TOPAZ1: variants seen among roughly 807,000 people sequenced by gnomAD.
TOPAZ1 encodes testis and ovary specific TOPAZ 1.
TOPAZ1 carries 66 observed loss-of-function variants against 172.2 expected under a neutral mutation model. The observed-to-expected ratio is 0.38, with a 90% CI of 0.31 to 0.47. The LOEUF (loss-of-function observed/expected upper bound fraction) is 0.47, where lower values mean the gene tolerates loss of function less well. TOPAZ1 is among the 20% of genes least tolerant of loss of function. The pLI is 0.99. For missense variants in TOPAZ1, 1,822 were observed against 1,972.4 expected, an observed-to-expected ratio of 0.92 and a Z score of 1.44; for synonymous variants, 681 against 683.9, an observed-to-expected ratio of 1.00 and a Z score of 0.07.
At chr3:44,284,110 A>G (rs1045590308) in intron 9 of TOPAZ1, among the ~76,000 whole-genome samples, 3 of 115,064 alleles carry the variant, frequency 2.6e-5, no homozygotes, top group African/African-American at 8.2e-5. Context: ...GGGAGTATGT[A>G]TGTGATAAAA....
At position 44,243,343 on chromosome 3, in the gene TOPAZ1, G is replaced by A; in HGVS notation, c.837G>A (p.Gln279=). The change falls in exon 2 of 20, where the codon CAG becomes CAA. Residue 279 remains glutamine, a synonymous_variant. Coordinates refer to ENST00000309765, the MANE Select transcript of TOPAZ1 (RefSeq NM_001145030.2). ...AGAGTGACACAAATAGTATTCCTCA[G>A]CTCTTACAAACAGAAGAAAATGTAA... ...AEKSDTNSIP[Q]LLQTEENVMG... 3 of 1,551,124 alleles carry A rather than the reference G, an allele frequency of 1.9e-6. No individual in the cohort carries two copies. The highest frequency in any genetic ancestry group is 2.6e-6 in the Non-Finnish European group (3 of 1,146,832).
chr3:44,298,891 T>TTATATATATA (rs201179432), intron 12 of TOPAZ1, among the ~76,000 whole-genome samples: 228 of 17,112 alleles, frequency 0.013, 10 homozygotes, highest in Admixed American at 0.026. Flanking sequence ...TGTATATATA[T>TTATATATATA]TATATATATA....
intron 2 of TOPAZ1, among the ~76,000 whole-genome samples, chr3:44,249,132 A>C (rs1300944592): frequency 6.6e-6 from 1 of 152,118 alleles, no homozygotes; most frequent in African/African-American, 2.4e-5. Flanking sequence ...TCTGTACTAG[A>C]ACATAGGATT....
chr3:44,277,862 A>G (rs1414356639), intron 8 of TOPAZ1, among the ~76,000 whole-genome samples: 1 of 152,172 alleles, frequency 6.6e-6, no homozygotes, highest in African/African-American at 2.4e-5. Context: ...ACCTTCTGCC[A>G]TGATTGTAAA....
At position 44,323,139 on chromosome 3, in the gene TOPAZ1, G is replaced by T; in HGVS notation, c.4519G>T (p.Gly1507Cys). 1.3e-6 allele frequency: 2 copies of T among 1,548,318 alleles called. No homozygotes were observed. Among genetic ancestry groups the T allele is most frequent in the Non-Finnish European group, 1.7e-6 (2 of 1,145,146 alleles). The change falls in exon 18 of 20, where the codon GGT becomes TGT. Residue 1507 changes from glycine to cysteine, a missense_variant. Physicochemically the swap from Gly to Cys is radical, Grantham distance 159. This residue lies in a region of TOPAZ1 where 333 missense variants were observed against 481.7 expected (regional missense o/e 0.69). Transcript: ENST00000309765. ...QYSLLFNKLL[G>C]SCIESSSLGM... ...TAGCCTTCTTTTTAATAAGCTTCTA[G>T]GTTCCTGTATAGAAAGCAGTAGTCT...
chr3:44,256,157 A>G lies in TOPAZ1; in HGVS notation c.2834A>G (p.Glu945Gly), dbSNP rs1457863421. 6.7e-7 allele frequency: 1 copy of G among 1,503,126 alleles called. No homozygotes were observed. The highest frequency in any genetic ancestry group is 8.8e-7 in the Non-Finnish European group (1 of 1,131,830). 93.1% of individuals were successfully genotyped at this position (1,503,126 alleles called of 1,614,324 possible). A position where few individuals can be genotyped will look rare whatever the true frequency, so the allele number is the denominator to read the frequency against. Residue 945 changes from glutamate to glycine, a missense_variant, in exon 4 of 20, where the codon GAA (glutamate) becomes GGA (glycine). By Grantham distance (98) the Glu-to-Gly change is moderately conservative. This residue lies in a region of TOPAZ1 where 1,489 missense variants were observed against 1,490.8 expected (regional missense o/e 1.00). Coordinates refer to ENST00000309765, the MANE Select transcript of TOPAZ1 (RefSeq NM_001145030.2). ...GAATATTATTTCTTTTCAGAAAGTG[A>G]AATAAAACGTGATCCCAAAGATGTA... ...DICASNSAESEIKRDPKDVNT... is the reference protein window; with the variant it reads ...DICASNSAESGIKRDPKDVNT...
intron 19 of TOPAZ1, among the ~76,000 whole-genome samples, chr3:44,329,276 T>G (rs1700637511): frequency 6.6e-6 from 1 of 152,192 alleles, no homozygotes; most frequent in South Asian, 2.1e-4. Flanking sequence ...TGTGACTCAG[T>G]TTTTCCACAT....
intron 6 of TOPAZ1, among the ~76,000 whole-genome samples, chr3:44,268,938 C>T (rs1276854644): frequency 6.6e-6 from 1 of 152,154 alleles, no homozygotes; most frequent in Non-Finnish European, 1.5e-5. Flanking sequence ...CATTTGAATA[C>T]AGTGCCCAAT....
intron 19 of TOPAZ1, 34 bp from the exon 20 acceptor site, chr3:44,331,758 G>C (rs1318474407): frequency 6.9e-7 from 1 of 1,440,840 alleles, no homozygotes; most frequent in African/African-American, 1.4e-5. Flanking sequence ...GCTTTTTTAA[G>C]AGTTTCTGAC....
intron 17 of TOPAZ1, among the ~76,000 whole-genome samples, chr3:44,322,464 A>G (rs914946478): frequency 6.6e-6 from 1 of 152,248 alleles, no homozygotes; most frequent in Non-Finnish European, 1.5e-5. Flanking sequence ...AGAGGTCTTA[A>G]TGCATCCTCT....
Position 44,243,364 on chromosome 3 carries a change from T to G in TOPAZ1, c.858T>G (p.Asn286Lys), listed in dbSNP as rs914203879. The change falls in exon 2 of 20, where the codon AAT becomes AAG. Residue 286 changes from asparagine (N) to lysine (K), a missense_variant. Around this residue, in one of 2 missense-constraint regions of TOPAZ1, gnomAD observed 1,489 missense variants for 1,490.8 expected, o/e 1.00. Coordinates refer to ENST00000309765, the MANE Select transcript of TOPAZ1 (RefSeq NM_001145030.2). The part of the protein sequence containing the change: ...SIPQLLQTEE[N>K]VMGVNKLLPE... The stretch of plus-strand genomic sequence containing the variant: ...CTCAGCTCTTACAAACAGAAGAAAA[T>G]GTAATGGGAGTAAATAAGTTACTAC... 14 of 1,550,610 alleles carry G rather than the reference T, an allele frequency of 9.0e-6. No individual in the cohort carries two copies. The African/African-American group carries it at 1.6e-4, about 18-fold the overall frequency.
At chr3:44,318,878 A>G (rs1700480339) in intron 16 of TOPAZ1, among the ~76,000 whole-genome samples, 1 of 149,264 alleles carries the variant, frequency 6.7e-6, no homozygotes. Flanking sequence ...ATATATATAT[A>G]GTTTTCTTTT....
chr3:44,308,090 A>T (rs572426915), intron 15 of TOPAZ1, among the ~76,000 whole-genome samples: 2 of 152,178 alleles, frequency 1.3e-5, no homozygotes, highest in African/African-American at 4.8e-5. Flanking sequence ...CCTAGCCAAC[A>T]TGGTGAAACC....
intron 6 of TOPAZ1, 111 bp downstream of exon 6, chr3:44,267,247 G>A (rs2125685139): frequency 2.7e-6 from 2 of 736,298 alleles, no homozygotes; most frequent in Non-Finnish European, 3.9e-6. Context: ...GAATCATGTA[G>A]AATATGTTAA....
At chr3:44,306,177 C>A in intron 14 of TOPAZ1, 149 bp from the exon 15 acceptor site, 1 of 502,020 alleles carries the variant, frequency 2.0e-6, no homozygotes, top group Non-Finnish European at 3.7e-6. Context: ...ACAGGAAAAC[C>A]ATTGTTGGCT....
At position 44,332,011 on chromosome 3, in the gene TOPAZ1, G is replaced by A. The variant is rs1235751395; in HGVS notation, c.5079G>A (p.Ter1693=). The A allele has an allele frequency of 1.3e-6, 2 of 1,506,922 alleles. No individual in the cohort carries two copies. The highest frequency in any genetic ancestry group is 1.8e-6 in the Non-Finnish European group (2 of 1,128,914). The allele number at this position is 1,506,922 out of a possible 1,614,324, so 93.3% of individuals were successfully genotyped here. Residue 1693 remains the stop codon, a stop_retained_variant, in exon 20 of 20, where the codon TAG becomes TAA. Transcript: ENST00000309765. ...AGKVWLFSNH[*] is the part of the protein sequence containing the mutation. ...AGGTTTGGCTTTTCAGTAACCATTA[G>A]CTAATAAAGTCTGCTTTTTTTTTTT...
chr3:44,283,938 A>G (rs569867186), intron 9 of TOPAZ1, among the ~76,000 whole-genome samples: 3 of 152,282 alleles, frequency 2.0e-5, no homozygotes, highest in Admixed American at 1.3e-4. Flanking sequence ...TGTCTAATTT[A>G]TTATTTATAT....
intron 15 of TOPAZ1, among the ~76,000 whole-genome samples, chr3:44,307,164 A>G (rs1575730211): frequency 6.6e-6 from 1 of 152,108 alleles, no homozygotes; most frequent in Non-Finnish European, 1.5e-5. Flanking sequence ...CTGGGATTAC[A>G]GGCATGTATC....
intron 16 of TOPAZ1, among the ~76,000 whole-genome samples, chr3:44,312,025 A>T (rs190898703): frequency 6.6e-6 from 1 of 152,094 alleles, no homozygotes; most frequent in Non-Finnish European, 1.5e-5. Flanking sequence ...TGTACTGCAC[A>T]CACATTTATA....
Sources: gnomAD v4.1 joint callset for allele counts (sites outside exome capture counted in the v4.1 genomes callset) on GRCh38, gnomAD v4.1.1 for gene constraint, gnomAD v4.1.1 regional missense constraint, MANE v1.5 for transcripts, NCBI Gene and HGNC (gene_info 2026-07-23, HGNC 2026-07-21) for gene names.